DPYSL2: variants seen among roughly 807,000 people sequenced by gnomAD.
The protein encoded by DPYSL2 is dihydropyrimidinase like 2.
Under a neutral mutation model 69.9 loss-of-function variants are expected in DPYSL2, and 13 were observed. The observed-to-expected ratio is 0.19, with a 90% CI of 0.12 to 0.30. The LOEUF (loss-of-function observed/expected upper bound fraction) is 0.30, where lower values mean the gene tolerates loss of function less well. DPYSL2 is among the 10% of genes least tolerant of loss of function. The pLI is 1.00. For missense variants in DPYSL2, 587 were observed against 918.9 expected, an observed-to-expected ratio of 0.64 and a Z score of 4.67; for synonymous variants, 326 against 359.1, an observed-to-expected ratio of 0.91 and a Z score of 1.04.
At chr8:26,532,415 T>G (rs1800523696) in intron 1 of DPYSL2, among the ~76,000 whole-genome samples, 1 of 152,196 alleles carries the variant, frequency 6.6e-6, no homozygotes, top group Non-Finnish European at 1.5e-5. Flanking sequence ...CCCTTTAAAG[T>G]GTATAATTCA....
chr8:26,544,624 C>G (rs1800736435), intron 1 of DPYSL2, among the ~76,000 whole-genome samples: 1 of 152,164 alleles, frequency 6.6e-6, no homozygotes, highest in Non-Finnish European at 1.5e-5. Flanking sequence ...CCATTTCTTC[C>G]AGTTCCTCTC....
intron 1 of DPYSL2, among the ~76,000 whole-genome samples, chr8:26,554,256 G>T (rs1036503065): frequency 6.6e-6 from 1 of 151,940 alleles, no homozygotes; most frequent in African/African-American, 2.4e-5. Flanking sequence ...GTTTTAATTT[G>T]CATTTCTCTA....
chr8:26,645,652 C>T (rs547541393), intron 10 of DPYSL2, among the ~76,000 whole-genome samples: 1 of 152,202 alleles, frequency 6.6e-6, no homozygotes, highest in Non-Finnish European at 1.5e-5. Context: ...CGGGTTCAAG[C>T]GATTCTCCTG....
chr8:26,562,049 A>G lies in DPYSL2; in HGVS notation c.355-19920A>G, dbSNP rs900745573. Among the ~76,000 whole-genome samples, 1 of 152,098 alleles carries G rather than the reference A, an allele frequency of 6.6e-6. No individual in the cohort carries two copies. Among genetic ancestry groups the G allele is most frequent in the Admixed American group, 6.6e-5 (1 of 15,260 alleles). On this transcript the variant is annotated intron_variant, in intron 1 of 13. Coordinates refer to ENST00000521913, the MANE Select transcript of DPYSL2 (RefSeq NM_001197293.3). This position sits in a 1 kb window ranked among gnomAD's most constrained non-coding sequence, Gnocchi z 4.9. The stretch of plus-strand genomic sequence containing the variant: ...ACATACCACCATTCACCTTGATTCA[A>G]TCCCCCAATCTAGAGTTCACACTTG...
rs543363429 is a variant in DPYSL2, at chr8:26,648,361, A to G, written c.1596+561A>G. On this transcript the variant is annotated intron_variant, in intron 11 of 13. Coordinates refer to ENST00000521913, the MANE Select transcript of DPYSL2 (RefSeq NM_001197293.3). This position sits in a 1 kb window ranked among gnomAD's most constrained non-coding sequence, Gnocchi z 4.3. ...TGTTTTAGGATCTGCCGCTTTGGGT[A>G]TCTCTTCCCTCTGGGTCTGGGCTTT... is the stretch of plus-strand genomic sequence containing the variant. Among the ~76,000 whole-genome samples the G allele has an allele frequency of 3.3e-5, 5 of 152,284 alleles. No individual in the cohort carries two copies. The South Asian group carries it at 8.3e-4, about 25-fold the overall frequency.
intron 3 of DPYSL2, among the ~76,000 whole-genome samples, chr8:26,589,396 C>T (rs1268946025): frequency 1.3e-5 from 2 of 152,248 alleles, no homozygotes; most frequent in South Asian, 2.1e-4. Flanking sequence ...TTCCTGCCGC[C>T]TGGGCAGCCT....
chr8:26,554,171 A>C (rs1800909548), intron 1 of DPYSL2, among the ~76,000 whole-genome samples: 1 of 152,046 alleles, frequency 6.6e-6, no homozygotes, highest in African/African-American at 2.4e-5. Context: ...TACAGGCATG[A>C]GCTACCGTGC....
rs375481880 is a variant in DPYSL2, at chr8:26,655,603, C to G, written c.1943-12C>G. The G allele has an allele frequency of 2.8e-5, 44 of 1,595,494 alleles. No homozygotes were observed. The highest frequency in any genetic ancestry group is 1.7e-4 in the Middle Eastern group (1 of 6,024). On this transcript the variant is annotated splice_polypyrimidine_tract_variant and intron_variant, in intron 13 of 13. Coordinates refer to ENST00000521913, the MANE Select transcript of DPYSL2 (RefSeq NM_001197293.3). ...GCCCCTCACCCGCTCCTCTCTTCTC[C>G]TCTCCCTCCAGGTGCTCAGATTGAT...
chr8:26,589,054 G>T (rs990601678), intron 3 of DPYSL2, among the ~76,000 whole-genome samples: 1 of 152,056 alleles, frequency 6.6e-6, no homozygotes, highest in Non-Finnish European at 1.5e-5. Flanking sequence ...TCATTGTGCC[G>T]CCTTCTTCCT....
intron 8 of DPYSL2, among the ~76,000 whole-genome samples, chr8:26,636,609 G>A (rs1802921878): frequency 6.6e-6 from 1 of 152,168 alleles, no homozygotes; most frequent in South Asian, 2.1e-4. Flanking sequence ...CCTGCCGCAG[G>A]CCTCCTCCTC....
rs1801058577 is a variant in DPYSL2 at position 26,560,820 on chromosome 8, C to T, written c.355-21149C>T. 6.6e-6 allele frequency among the ~76,000 whole-genome samples: 1 copy of T among 152,124 alleles called. No individual in the cohort carries two copies. Among genetic ancestry groups the T allele is most frequent in the Non-Finnish European group, 1.5e-5 (1 of 68,014 alleles). Reference sequence around the variant, plus strand: ...GTATGATCTATGTAAGTATAATCACCAGCAGTTACAAAGTGCTGGTTCCAC... The same window carrying T: ...GTATGATCTATGTAAGTATAATCACTAGCAGTTACAAAGTGCTGGTTCCAC... On this transcript the variant is annotated intron_variant, in intron 1 of 13. Transcript: ENST00000521913. The surrounding 1 kb of genome is among the most constrained non-coding windows in gnomAD (Gnocchi z 4.4).
intron 1 of DPYSL2, among the ~76,000 whole-genome samples, chr8:26,535,131 C>T (rs1358677670): frequency 6.6e-6 from 1 of 152,198 alleles, no homozygotes; most frequent in Admixed American, 6.5e-5. Context: ...AGGGTGCCAG[C>T]ATGATTGGGT....
rs1331011568 is a variant in DPYSL2 at position 26,642,778 on chromosome 8, A to G, written c.1127-661A>G. 1.3e-5 allele frequency: 2 copies of G among 151,992 alleles called. No individual in the cohort carries two copies. Among genetic ancestry groups the G allele is most frequent in the Non-Finnish European group, 2.9e-5 (2 of 68,048 alleles). The allele number at this position is 151,992 out of a possible 1,614,324, so 9.4% of individuals were successfully genotyped here. ...ATATAGTTAGGCTAGGCTTCCAGAAACTCTGAAATCCCAGTGGCATAATGT... is the reference window on the plus strand; with the variant it reads ...ATATAGTTAGGCTAGGCTTCCAGAAGCTCTGAAATCCCAGTGGCATAATGT... On this transcript the variant is annotated intron_variant, in intron 8 of 13. Transcript: ENST00000521913. The surrounding 1 kb of genome is among the most constrained non-coding windows in gnomAD (Gnocchi z 5.3).
chr8:26,595,875 CATT>C (rs1233463859), intron 3 of DPYSL2, among the ~76,000 whole-genome samples: 1 of 152,114 alleles, frequency 6.6e-6, no homozygotes. Context: ...AGGGAGGACC[CATT>C]ATTAGCCAGT....
intron 1 of DPYSL2, among the ~76,000 whole-genome samples, chr8:26,527,667 A>T (rs954483398): frequency 6.6e-6 from 1 of 152,208 alleles, no homozygotes; most frequent in African/African-American, 2.4e-5. Flanking sequence ...ACATTAAAAA[A>T]TTATCACAAT....
Position 26,626,885 on chromosome 8 carries a change from T to C in DPYSL2, c.855+207T>C, listed in dbSNP as rs1445481093. 6.6e-6 allele frequency among the ~76,000 whole-genome samples: 1 copy of C among 152,130 alleles called. No individual in the cohort carries two copies. Among genetic ancestry groups the C allele is most frequent in the Non-Finnish European group, 1.5e-5 (1 of 68,028 alleles). Reference sequence around the variant, plus strand: ...AGCACTGCCACTCCGCCGCCCTGGATCTGAGGCTCTGCCCCGCACGGCGTG... The same window carrying C: ...AGCACTGCCACTCCGCCGCCCTGGACCTGAGGCTCTGCCCCGCACGGCGTG... On this transcript the variant is annotated intron_variant, in intron 5 of 13. Coordinates refer to ENST00000521913, the MANE Select transcript of DPYSL2 (RefSeq NM_001197293.3). This position sits in a 1 kb window ranked among gnomAD's most constrained non-coding sequence, Gnocchi z 4.3.
intron 1 of DPYSL2, among the ~76,000 whole-genome samples, chr8:26,555,650 C>T (rs556425203): frequency 3.3e-5 from 5 of 151,654 alleles, no homozygotes; most frequent in South Asian, 2.1e-4. Flanking sequence ...TCCTAGAGGC[C>T]GAGGCAGGTG....
intron 7 of DPYSL2, among the ~76,000 whole-genome samples, chr8:26,631,965 T>C (rs749935): frequency 0.13 from 20,317 of 152,230 alleles, 1,601 homozygotes; most frequent in Non-Finnish European, 0.18. Flanking sequence ...CCCAGTCTAC[T>C]TGGGGAGGTG....
intron 1 of DPYSL2, among the ~76,000 whole-genome samples, chr8:26,573,198 A>G (rs1225606680): frequency 1.3e-5 from 2 of 152,126 alleles, no homozygotes; most frequent in Non-Finnish European, 2.9e-5. Flanking sequence ...GGGCTTGGAG[A>G]AGGGGAGGCT....
Sources: gnomAD v4.1 joint callset for allele counts (sites outside exome capture counted in the v4.1 genomes callset) on GRCh38, gnomAD v4.1.1 for gene constraint, Gnocchi (gnomAD v3.1) non-coding constraint, MANE v1.5 for transcripts, NCBI Gene and HGNC (gene_info 2026-07-23, HGNC 2026-07-21) for gene names.